Variants in ATAD2B observed in about 807,000 individuals in gnomAD.
The protein encoded by ATAD2B is ATPase family AAA domain containing 2B, also known as ATPase family AAA domain-containing protein 2B.
In ATAD2B, 40 loss-of-function variants were observed where a neutral mutation model predicts 167.6. The ratio of observed to expected loss-of-function variants is 0.24; its 90% CI spans 0.19 to 0.31. The LOEUF is 0.31. ATAD2B is among the 10% of genes least tolerant of loss of function. The pLI is 1.00. For missense variants in ATAD2B, 1,242 were observed against 1,757.2 expected, an observed-to-expected ratio of 0.71 and a Z score of 5.24; for synonymous variants, 579 against 596.5, an observed-to-expected ratio of 0.97 and a Z score of 0.43.
chr2:23,803,507 C>G (rs1683847580), intron 18 of ATAD2B, among the ~76,000 whole-genome samples: 1 of 152,198 alleles, frequency 6.6e-6, no homozygotes, highest in South Asian at 2.1e-4. Flanking sequence ...GAATCACAAT[C>G]TATGGGTGTG....
At chr2:23,814,148 G>A (rs1686062968) in intron 17 of ATAD2B, among the ~76,000 whole-genome samples, 1 of 151,960 alleles carries the variant, frequency 6.6e-6, no homozygotes, top group African/African-American at 2.4e-5. Flanking sequence ...TCATAAACAG[G>A]AATGGTTCTT....
At chr2:23,799,261 G>T (rs1683078907) in intron 18 of ATAD2B, among the ~76,000 whole-genome samples, 1 of 152,078 alleles carries the variant, frequency 6.6e-6, no homozygotes, top group South Asian at 2.1e-4. Context: ...ATTAGCCTAT[G>T]TAATATACAA....
At chr2:23,765,899 G>A (rs1039510956) in intron 22 of ATAD2B, among the ~76,000 whole-genome samples, 2 of 151,888 alleles carry the variant, frequency 1.3e-5, no homozygotes, top group African/African-American at 4.8e-5. Context: ...AAGATACATG[G>A]TTTCAAATTT....
chr2:23,719,979 C>T, the ATAD2B span, among the ~76,000 whole-genome samples: 5 of 152,336 alleles, frequency 3.3e-5, no homozygotes, highest in Middle Eastern at 3.4e-3. Context: ...CCTTCCCACA[C>T]GTTCTGGATA....
intron 13 of ATAD2B, among the ~76,000 whole-genome samples, chr2:23,851,872 G>C (rs1052531231): frequency 6.6e-6 from 1 of 151,872 alleles, no homozygotes; most frequent in Admixed American, 6.6e-5. Flanking sequence ...TGCCTCTTTG[G>C]GGGAGAAAGG....
intron 27 of ATAD2B, among the ~76,000 whole-genome samples, chr2:23,753,930 G>C (rs1675654491): frequency 6.6e-6 from 1 of 151,942 alleles, no homozygotes; most frequent in Non-Finnish European, 1.5e-5. Context: ...TACCACCCTA[G>C]AACCATGGAT....
At chr2:23,918,605 T>C (rs1404408620) in intron 1 of ATAD2B, among the ~76,000 whole-genome samples, 1 of 152,180 alleles carries the variant, frequency 6.6e-6, no homozygotes, top group African/African-American at 2.4e-5. Flanking sequence ...TATGTTACTA[T>C]TCATACTTTC....
chr2:23,802,920 T>C (rs1291204098), intron 18 of ATAD2B, among the ~76,000 whole-genome samples: 2 of 152,230 alleles, frequency 1.3e-5, no homozygotes, highest in East Asian at 3.9e-4. Flanking sequence ...TATTCACCTT[T>C]TGAAATTATT....
chr2:23,831,777 C>T (rs35832626), intron 14 of ATAD2B, among the ~76,000 whole-genome samples: 58,183 of 152,052 alleles, frequency 0.38, 12,319 homozygotes, highest in East Asian at 0.62. Flanking sequence ...AATCCTATCA[C>T]TTTTTGCCTA....
At chr2:23,853,609 G>A (rs895798405) in intron 13 of ATAD2B, among the ~76,000 whole-genome samples, 1 of 152,170 alleles carries the variant, frequency 6.6e-6, no homozygotes, top group Admixed American at 6.6e-5. Context: ...ACTGAAAGAC[G>A]AATAAGGATG....
the ATAD2B span, chr2:23,689,278 C>T: frequency 3.3e-5 from 5 of 152,294 alleles, no homozygotes; most frequent in Admixed American, 6.5e-5. Flanking sequence ...CTCCTGTGGC[C>T]AGGGGTCCTC....
At chr2:23,734,267 C>G in the ATAD2B span, among the ~76,000 whole-genome samples, 1 of 152,176 alleles carries the variant, frequency 6.6e-6, no homozygotes, top group Non-Finnish European at 1.5e-5. Flanking sequence ...AGTGATTCTC[C>G]TCCCTCAGTC....
chr2:23,821,515 T>C (rs1428223221), intron 16 of ATAD2B, among the ~76,000 whole-genome samples: 3 of 152,242 alleles, frequency 2.0e-5, no homozygotes, highest in Non-Finnish European at 4.4e-5. Context: ...TGGTATCTTA[T>C]GTGAGTCTGT....
chr2:23,754,857 AC>A, intron 25 of ATAD2B, 83 bp from the exon 26 acceptor site: 1 of 1,375,934 alleles, frequency 7.3e-7, no homozygotes, highest in Non-Finnish European at 9.9e-7. Flanking sequence ...TCTTTTACCT[AC>A]CACACAAATC....
the ATAD2B span, among the ~76,000 whole-genome samples, chr2:23,713,925 T>C: frequency 3.9e-5 from 6 of 152,218 alleles, no homozygotes; most frequent in African/African-American, 1.4e-4. Context: ...TGAGATTAAA[T>C]AAATTTGGGA....
chr2:23,883,774 C>T (rs559008229), intron 6 of ATAD2B: 1 of 317,826 alleles, frequency 3.1e-6, no homozygotes, highest in African/African-American at 2.2e-5. Context: ...ATAATGGGAA[C>T]TAGTAAGATT....
At chr2:23,909,682 GA>G (rs1250306366) in intron 1 of ATAD2B, among the ~76,000 whole-genome samples, 2 of 151,820 alleles carry the variant, frequency 1.3e-5, no homozygotes, top group African/African-American at 4.8e-5. Context: ...GGGGAGCAGG[GA>G]AAAAGGCCCT....
chr2:23,789,016 T>C (rs1438801665), intron 19 of ATAD2B, among the ~76,000 whole-genome samples: 3 of 152,096 alleles, frequency 2.0e-5, no homozygotes, highest in South Asian at 4.1e-4. Flanking sequence ...GGAAGAATGT[T>C]AACATTGCCA....
In ATAD2B at chr2:23,904,097, C is replaced by T. The variant is rs1052609009; in HGVS notation, c.217-8127G>A. Among the ~76,000 whole-genome samples, 5 of 151,940 alleles carry T rather than the reference C, an allele frequency of 3.3e-5. 1 individual carries two copies. Among genetic ancestry groups the T allele is most frequent in the African/African-American group, 9.7e-5 (4 of 41,348 alleles). The stretch of plus-strand genomic sequence containing the variant: ...GGTCTATCAGGCTATGGGAAACACA[C>T]CTCTGAGTTGAAGTGAGTTAAGGAG... On this transcript the variant is annotated intron_variant, in intron 1 of 27. Coordinates refer to ENST00000238789, the MANE Select transcript of ATAD2B (RefSeq NM_017552.4).
Sources: gnomAD v4.1 joint callset for allele counts (sites outside exome capture counted in the v4.1 genomes callset) on GRCh38, gnomAD v4.1.1 for gene constraint, MANE v1.5 for transcripts, NCBI Gene and HGNC (gene_info 2026-07-23, HGNC 2026-07-21) for gene names.